Variants in CLEC17A observed in about 807,000 individuals in gnomAD.
CLEC17A encodes the protein C-type lectin domain family 17, member A.
Under a neutral mutation model 61.3 loss-of-function variants are expected in CLEC17A, and 37 were observed. The ratio of observed to expected loss-of-function variants is 0.60; its 90% confidence interval spans 0.46 to 0.79. The LOEUF (loss-of-function observed/expected upper bound fraction) is 0.79, where lower values mean the gene tolerates loss of function less well. CLEC17A is among the 30% of genes least tolerant of loss of function. The pLI, the probability that CLEC17A is intolerant of heterozygous loss-of-function variation, is 0.00. For missense variants in CLEC17A, 418 were observed against 464.7 expected (o/e 0.90, Z 0.92); for synonymous variants, 168 against 164.9 (o/e 1.02, Z -0.14).
At chr19:14,596,753 A>G in intron 8 of CLEC17A, 123 bp from the exon 9 acceptor site, 3 of 1,169,312 alleles carry the variant, frequency 2.6e-6, no homozygotes, top group Non-Finnish European at 3.6e-6. Context: ...TGCTGACTTC[A>G]TCTGCTGAAA....
At chr19:14,593,143 T>C (rs2074460811) in intron 4 of CLEC17A, among the ~76,000 whole-genome samples, 1 of 152,028 alleles carries the variant, frequency 6.6e-6, no homozygotes, top group Admixed American at 6.6e-5. Flanking sequence ...ACCCAAGGCA[T>C]AGCCCAGGGT....
chr19:14,598,735 A>G (rs779888222), intron 10 of CLEC17A, among the ~76,000 whole-genome samples: 83 of 152,214 alleles, frequency 5.5e-4, no homozygotes, highest in African/African-American at 1.8e-3. Context: ...TCAGCCTCCC[A>G]AAGTTCTGGG....
intron 3 of CLEC17A, among the ~76,000 whole-genome samples, chr19:14,591,406 A>T (rs958485096): frequency 6.7e-6 from 1 of 150,120 alleles, no homozygotes; most frequent in African/African-American, 2.5e-5. Flanking sequence ...TGACTGCCTC[A>T]GTCTCCCAAA....
chr19:14,607,125 GTC>G (rs2074899319), intron 13 of CLEC17A, 23 bp downstream of exon 13: 1 of 1,173,142 alleles, frequency 8.5e-7, no homozygotes, highest in Non-Finnish European at 1.1e-6. Flanking sequence ...GTTTCCTGGG[GTC>G]TCTCTGCTTC....
chr19:14,581,910 C>G (rs1389688830), upstream of CLEC17A, among the ~76,000 whole-genome samples: 1 of 152,140 alleles, frequency 6.6e-6, no homozygotes, highest in Non-Finnish European at 1.5e-5. Context: ...CCTCGGCCTC[C>G]CAAAGTGTTG....
chr19:14,582,931 G>A (rs551553159), upstream of CLEC17A, among the ~76,000 whole-genome samples: 23 of 152,086 alleles, frequency 1.5e-4, no homozygotes, highest in African/African-American at 4.3e-4. Flanking sequence ...CCTTCTGTGC[G>A]TGAATCCAAA....
rs573083005 is a variant in CLEC17A at position 14,583,132 on chromosome 19, T to C, written c.-29T>C. 1.2e-6 allele frequency: 2 copies of C among 1,613,954 alleles called. No homozygotes were observed. Among genetic ancestry groups the C allele is most frequent in the African/African-American group, 2.7e-5 (2 of 75,064 alleles). ...GGGGCAGAGGTTGCCAAGCCCTGGC[T>C]GCCACTTGTCAGGTTCCCTGTGCTA... On this transcript the variant is annotated 5_prime_UTR_variant, in exon 1 of 14. Transcript: ENST00000417570.
intron 2 of CLEC17A, 116 bp downstream of exon 2, chr19:14,583,550 GGCAC>G: frequency 6.5e-7 from 1 of 1,539,846 alleles, no homozygotes; most frequent in Non-Finnish European, 8.8e-7. Context: ...GCCCATGCCG[GGCAC>G]TGTGGAACCC....
chr19:14,606,919 C>T (rs1439098844), intron 12 of CLEC17A, 74 bp from the exon 13 acceptor site: 3 of 670,112 alleles, frequency 4.5e-6, no homozygotes, highest in Non-Finnish European at 4.2e-6. Context: ...ATATGTAGGA[C>T]AGGGCACAGG....
chr19:14,606,657 G>C (rs1010750507), intron 12 of CLEC17A, among the ~76,000 whole-genome samples: 1 of 149,852 alleles, frequency 6.7e-6, no homozygotes, highest in Non-Finnish European at 1.5e-5. Flanking sequence ...TCCAGCCTGG[G>C]TGACAGAGCG....
In CLEC17A at chr19:14,596,069, T is replaced by C. The variant is rs2074545399; in HGVS notation, c.445+754T>C. ...GAAAAAGAAGCTTCTCCTCTCTGAG[T>C]CTAGGCCAGATCTCCAGAAACTCAG... On this transcript the variant is annotated intron_variant, in intron 8 of 13. Transcript: ENST00000417570. Among the ~76,000 whole-genome samples the C allele has an allele frequency of 4.1e-3, 3 of 730 alleles. No individual in the cohort carries two copies. In the South Asian group the frequency reaches 0.12, roughly 30 times the overall value. The allele number at this position is 730 out of a possible 152,430, so 0.5% of individuals were successfully genotyped here. A position where few individuals can be genotyped will look rare whatever the true frequency, so the allele number is the denominator to read the frequency against.
rs976888407 is a variant in CLEC17A, at chr19:14,611,785, T to G, written c.*1589T>G. On this transcript the variant is annotated 3_prime_UTR_variant, in exon 14 of 14. Transcript: ENST00000417570. Reference sequence around the variant, plus strand: ...GGGAGACTGAGGTGGGCTGATCACCTGGGGTCAGGATTTCGAGACCAGCCT... The same window carrying G: ...GGGAGACTGAGGTGGGCTGATCACCGGGGGTCAGGATTTCGAGACCAGCCT... Among the ~76,000 whole-genome samples the G allele has an allele frequency of 1.3e-5, 2 of 152,146 alleles. No homozygotes were observed. Among genetic ancestry groups the G allele is most frequent in the African/African-American group, 4.8e-5 (2 of 41,444 alleles).
intron 3 of CLEC17A, among the ~76,000 whole-genome samples, chr19:14,590,521 G>A (rs1221877901): frequency 1.3e-5 from 2 of 151,804 alleles, no homozygotes; most frequent in Non-Finnish European, 2.9e-5. Context: ...CCCTGGCAGC[G>A]GGATTACAGG....
At chr19:14,598,885 A>G (rs1367921381) in intron 10 of CLEC17A, among the ~76,000 whole-genome samples, 1 of 152,046 alleles carries the variant, frequency 6.6e-6, no homozygotes, top group Non-Finnish European at 1.5e-5. Flanking sequence ...ACTTGAGCCC[A>G]GGAGGTTGAA....
At chr19:14,595,845 G>A (rs1420798454) in intron 8 of CLEC17A, among the ~76,000 whole-genome samples, 7 of 151,036 alleles carry the variant, frequency 4.6e-5, no homozygotes, top group South Asian at 2.1e-4. Context: ...GATGGTGGTG[G>A]TGGTGATGAT....
chr19:14,584,258 G>C (rs2074236497), intron 2 of CLEC17A: 2 of 152,060 alleles, frequency 1.3e-5, no homozygotes, highest in Non-Finnish European at 2.9e-5. Flanking sequence ...GGACCACCAG[G>C]TTGCCTAAGG....
At position 14,607,050 on chromosome 19, in the gene CLEC17A, A is replaced by G. The variant is rs971986552; in HGVS notation, c.952A>G (p.Arg318Gly). ...PRVYWLGLND[R>G]AQEGDWRWLD... ...GGTGTACTGGCTGGGGCTGAATGAC[A>G]GGGCCCAGGAAGGGGACTGGAGGTG... Residue 318 changes from arginine (R) to glycine (G), a missense_variant, in exon 13 of 14, where the codon AGG (arginine) becomes GGG (glycine). By Grantham distance (125) the Arg-to-Gly change is moderately radical (BLOSUM62 -2). Coordinates refer to ENST00000417570, the MANE Select transcript of CLEC17A (RefSeq NM_001204118.2). The G allele has an allele frequency of 2.5e-4, 342 of 1,353,694 alleles. No homozygotes were observed. The highest frequency in any genetic ancestry group is 3.2e-4 in the Non-Finnish European group (338 of 1,045,660). The allele number at this position is 1,353,694 out of a possible 1,614,324, so 83.9% of individuals were successfully genotyped here. A position where few individuals can be genotyped will look rare whatever the true frequency, so the allele number is the denominator to read the frequency against.
intron 12 of CLEC17A, among the ~76,000 whole-genome samples, chr19:14,604,795 T>C (rs896720749): frequency 2.6e-5 from 4 of 151,974 alleles, no homozygotes; most frequent in African/African-American, 9.7e-5. Context: ...AGTCACCAGA[T>C]AACTTTGGAT....
At chr19:14,596,488 G>C (rs62125096) in intron 8 of CLEC17A, among the ~76,000 whole-genome samples, 30,260 of 151,990 alleles carry the variant, frequency 0.2, 3,240 homozygotes, top group Non-Finnish European at 0.22. Flanking sequence ...AAATAAATTA[G>C]CTGGGCCTAG....
Sources: allele counts gnomAD v4.1 joint callset (sites outside exome capture counted in the v4.1 genomes callset), GRCh38; gene constraint gnomAD v4.1.1; transcripts MANE v1.5; gene names NCBI Gene and HGNC (gene_info 2026-07-23, HGNC 2026-07-21).